Variants in ATRNL1 observed in about 807,000 individuals in gnomAD.
The protein encoded by ATRNL1 is attractin-like protein 1.
In ATRNL1, 95 loss-of-function variants were observed where a neutral mutation model predicts 182.7. The ratio of observed to expected loss-of-function variants is 0.52; its 90% CI spans 0.44 to 0.62. The LOEUF is 0.62. Ranked by LOEUF, ATRNL1 falls within the 20% of genes least tolerant of loss-of-function variation. The pLI is 0.00. For missense variants in ATRNL1, 1,471 were observed against 1,679.5 expected, an observed-to-expected ratio of 0.88 and a Z score of 2.17; for synonymous variants, 576 against 568.3, an observed-to-expected ratio of 1.01 and a Z score of -0.19.
At chr10:115,868,822 C>CTTTTTTTTTTTTTATTTTTTTTTTTTT (rs1951501849) in intron 28 of ATRNL1, among the ~76,000 whole-genome samples, 1 of 58,084 alleles carries the variant, frequency 1.7e-5, no homozygotes, top group Non-Finnish European at 3.2e-5. Flanking sequence ...AGTCTTTATT[C>CTTTTTTTTTTTTTATTTTTTTTTTTTT]TTTTTTTTTT....
At chr10:115,930,847 TGGCTCAGG>T (rs1192225780) in intron 28 of ATRNL1, among the ~76,000 whole-genome samples, 1 of 152,188 alleles carries the variant, frequency 6.6e-6, no homozygotes, top group African/African-American at 2.4e-5. Flanking sequence ...TGAGGCTCAC[TGGCTCAGG>T]GTCAGTATTT....
At chr10:115,708,409 C>G (rs1164174079) in intron 26 of ATRNL1, among the ~76,000 whole-genome samples, 1 of 151,694 alleles carries the variant, frequency 6.6e-6, no homozygotes, top group Non-Finnish European at 1.5e-5. Flanking sequence ...GATACAATCA[C>G]TTTAAAAAGT....
chr10:115,156,807 A>G (rs547370241), intron 5 of ATRNL1, among the ~76,000 whole-genome samples: 8 of 152,142 alleles, frequency 5.3e-5, no homozygotes, highest in Non-Finnish European at 1.0e-4. Context: ...ATGAGATACT[A>G]AAGTATGAAG....
chr10:115,668,114 T>A (rs1861107027), intron 26 of ATRNL1, among the ~76,000 whole-genome samples: 1 of 152,088 alleles, frequency 6.6e-6, no homozygotes, highest in South Asian at 2.1e-4. Context: ...ACAGATTCTG[T>A]CTAGGGACCT....
chr10:115,884,701 T>C (rs1374043742), intron 28 of ATRNL1, among the ~76,000 whole-genome samples: 1 of 152,208 alleles, frequency 6.6e-6, no homozygotes, highest in African/African-American at 2.4e-5. Flanking sequence ...TTTGATGGAC[T>C]TGGCTTCTTC....
intron 19 of ATRNL1, among the ~76,000 whole-genome samples, chr10:115,385,709 T>C (rs141010744): frequency 1.5e-4 from 23 of 152,328 alleles, no homozygotes; most frequent in Non-Finnish European, 2.2e-4. Flanking sequence ...ACATGGAAAT[T>C]TGTGATTAAT....
rs145634038 is a variant in ATRNL1 at position 115,248,249 on chromosome 10, C to T, written c.1687+6524C>T. Among the ~76,000 whole-genome samples the T allele has an allele frequency of 5.3e-4, 80 of 152,194 alleles. No homozygotes were observed. The South Asian group carries it at 7.9e-3, about 15-fold the overall frequency. On this transcript the variant is annotated intron_variant, in intron 10 of 28. Transcript: ENST00000355044. ...CAGTTACCCTGATCTGATCACTATA[C>T]ATTATATGTATTGAAGCATCACTAT...
chr10:115,290,397 G>C (rs1554920473), intron 15 of ATRNL1, among the ~76,000 whole-genome samples: 1 of 152,156 alleles, frequency 6.6e-6, no homozygotes. Context: ...GCTCATGCCT[G>C]TAATTCCAGC....
chr10:115,373,902 T>C (rs1452864557), intron 19 of ATRNL1, among the ~76,000 whole-genome samples: 1 of 151,940 alleles, frequency 6.6e-6, no homozygotes, highest in Non-Finnish European at 1.5e-5. Flanking sequence ...TTGGAAACAT[T>C]TCCTATTTTA....
intron 26 of ATRNL1, among the ~76,000 whole-genome samples, chr10:115,725,221 A>T (rs1256722321): frequency 2.0e-5 from 3 of 152,194 alleles, no homozygotes; most frequent in African/African-American, 7.2e-5. Flanking sequence ...CAGGAAACAA[A>T]CTAGAATTTT....
intron 27 of ATRNL1, among the ~76,000 whole-genome samples, chr10:115,732,427 T>C (rs187538555): frequency 3.9e-5 from 6 of 152,336 alleles, no homozygotes. Context: ...TCCAACTTTG[T>C]TCTTTTTAAA....
chr10:115,338,147 G>C (rs781828821), intron 19 of ATRNL1, among the ~76,000 whole-genome samples: 31 of 152,150 alleles, frequency 2.0e-4, no homozygotes, highest in Non-Finnish European at 4.0e-4. Context: ...CTGTGTAATG[G>C]ACACTTAGGT....
At chr10:115,688,427 CCAA>C (rs1159318078) in intron 26 of ATRNL1, among the ~76,000 whole-genome samples, 4 of 152,078 alleles carry the variant, frequency 2.6e-5, no homozygotes, top group Non-Finnish European at 5.9e-5. Flanking sequence ...TACATTCCCA[CCAA>C]CAACATATGA....
chr10:115,448,013 T>C (rs150888863), intron 21 of ATRNL1, among the ~76,000 whole-genome samples: 2 of 152,256 alleles, frequency 1.3e-5, no homozygotes, highest in East Asian at 3.9e-4. Flanking sequence ...ACATATTTAT[T>C]GTGTATTTAA....
intron 8 of ATRNL1, among the ~76,000 whole-genome samples, chr10:115,206,601 A>AAAAT (rs1848806229): frequency 6.6e-6 from 1 of 152,158 alleles, no homozygotes; most frequent in African/African-American, 2.4e-5. Context: ...TAGAGAGATA[A>AAAAT]AAATGATAGA....
chr10:115,863,726 C>T (rs1951370271), intron 28 of ATRNL1, among the ~76,000 whole-genome samples: 1 of 152,120 alleles, frequency 6.6e-6, no homozygotes, highest in Non-Finnish European at 1.5e-5. Flanking sequence ...ATCTCAGTAG[C>T]AATAAATGTA....
At chr10:115,804,982 G>A (rs1295910253) in intron 27 of ATRNL1, among the ~76,000 whole-genome samples, 3 of 152,180 alleles carry the variant, frequency 2.0e-5, no homozygotes, top group African/African-American at 7.2e-5. Flanking sequence ...CAAACTATGT[G>A]TATGTGCTAC....
chr10:115,230,911 G>GAGAGAGAGAA (rs1849911637), intron 9 of ATRNL1, among the ~76,000 whole-genome samples: 1 of 112,028 alleles, frequency 8.9e-6, no homozygotes, highest in African/African-American at 3.5e-5. Context: ...GAGAGAGAGA[G>GAGAGAGAGAA]AGAGAGAGAG....
At chr10:115,117,138 A>G (rs1191167037) in intron 1 of ATRNL1, among the ~76,000 whole-genome samples, 1 of 152,052 alleles carries the variant, frequency 6.6e-6, no homozygotes, top group Non-Finnish European at 1.5e-5. Context: ...ACAGTCATGC[A>G]ATGCATAATC....
Sources: gnomAD v4.1 joint callset for allele counts (sites outside exome capture counted in the v4.1 genomes callset) on GRCh38, gnomAD v4.1.1 for gene constraint, MANE v1.5 for transcripts, NCBI Gene and HGNC (gene_info 2026-07-23, HGNC 2026-07-21) for gene names.